CYFIP1: variants seen among roughly 807,000 people sequenced by gnomAD.
CYFIP1 encodes the protein cytoplasmic FMR1-interacting protein 1.
In CYFIP1, 58 loss-of-function variants were observed where a neutral mutation model predicts 163.5. The ratio of observed to expected loss-of-function variants is 0.35; its 90% CI spans 0.29 to 0.44. The LOEUF is 0.44. Among genes scored for constraint, CYFIP1 ranks in the 20% least tolerant of loss-of-function variants. CYFIP1 has a pLI of 1.00. For missense variants in CYFIP1, 1,338 were observed against 1,653.8 expected (o/e 0.81, Z 3.31); for synonymous variants, 663 against 660.7 (o/e 1.00, Z -0.05).
chr15:22,906,973 C>T (rs1285000308), intron 21 of CYFIP1, among the ~76,000 whole-genome samples: 1 of 152,250 alleles, frequency 6.6e-6, no homozygotes. Flanking sequence ...TAAGCTCTCT[C>T]ATGCTTCTGA....
intron 17 of CYFIP1, 180 bp from the exon 18 acceptor site, chr15:22,912,455 C>T (rs2060820584): frequency 1.9e-6 from 1 of 515,282 alleles, no homozygotes; most frequent in Admixed American, 3.8e-5. Context: ...GAGGCGGCCG[C>T]CACACCCACC....
At chr15:22,939,734 G>A (rs961532439) in intron 6 of CYFIP1, among the ~76,000 whole-genome samples, 1 of 152,096 alleles carries the variant, frequency 6.6e-6, no homozygotes, top group African/African-American at 2.4e-5. Context: ...TGCACAGGCT[G>A]GGACAGCTCT....
intron 9 of CYFIP1, among the ~76,000 whole-genome samples, chr15:22,935,470 G>C (rs562937214): frequency 6.6e-6 from 1 of 152,312 alleles, no homozygotes; most frequent in South Asian, 2.1e-4. Flanking sequence ...AATGCTTCTA[G>C]AAGCTAACAC....
In CYFIP1 at chr15:22,881,882, T is replaced by A; in HGVS notation, c.2875A>T (p.Ile959Phe). ...VKTLMEVMPK[I>F]CRLPRHEYGS... ...TACTCGTGCCGGGGCAGGCGGCAGA[T>A]CTTGGGCATCACCTCCATCAGCGTC... is the stretch of plus-strand genomic sequence containing the variant. Residue 959 changes from isoleucine to phenylalanine, a missense_variant, in exon 25 of 31, where the codon ATC (isoleucine) becomes TTC (phenylalanine). Physicochemically the swap from Ile to Phe is conservative, Grantham distance 21. Around this residue, in one of 4 missense-constraint regions of CYFIP1, gnomAD observed 824 missense variants for 995.7 expected, o/e 0.83. Coordinates refer to ENST00000617928, the MANE Select transcript of CYFIP1 (RefSeq NM_014608.6). The A allele has an allele frequency of 6.2e-7, 1 of 1,612,426 alleles. No homozygotes were observed. Among genetic ancestry groups the A allele is most frequent in the Non-Finnish European group, 8.5e-7 (1 of 1,180,008 alleles).
chr15:22,880,958 T>G, intron 25 of CYFIP1, among the ~76,000 whole-genome samples: 1 of 152,284 alleles, frequency 6.6e-6, no homozygotes, highest in South Asian at 2.1e-4. Context: ...AGTCACGACA[T>G]AAGCATTGGT....
At chr15:22,980,798 G>T (rs1293255446), upstream of CYFIP1, among the ~76,000 whole-genome samples, 5 of 152,040 alleles carry the variant, frequency 3.3e-5, no homozygotes, top group African/African-American at 9.7e-5. Flanking sequence ...GCGCTCACCT[G>T]CGCTCGTCGG....
At chr15:22,933,126 G>GC (rs1210338320) in intron 10 of CYFIP1, among the ~76,000 whole-genome samples, 2 of 151,680 alleles carry the variant, frequency 1.3e-5, no homozygotes, top group African/African-American at 4.8e-5. Context: ...GAGCCACCGC[G>GC]CCCCACCCTC....
intron 17 of CYFIP1, among the ~76,000 whole-genome samples, chr15:22,913,527 C>CAAAAAAAAA (rs35228444): frequency 6.8e-4 from 7 of 10,264 alleles, no homozygotes; most frequent in Non-Finnish European, 8.5e-4. Flanking sequence ...GGCTCTGTCT[C>CAAAAAAAAA]AAAAAAAAAA....
intron 11 of CYFIP1, 35 bp downstream of exon 11, chr15:22,932,188 C>T (rs376043658): frequency 2.5e-5 from 38 of 1,512,792 alleles, no homozygotes; most frequent in African/African-American, 2.4e-4. Flanking sequence ...AGGCGACCCT[C>T]GGGTGCCTGT....
rs748462673 is a variant in CYFIP1 at position 22,914,841 on chromosome 15, G to A, written c.1870C>T (p.Arg624Ter). Residue 624 changes from arginine to a stop codon, truncating the protein, a stop_gained, in exon 17 of 31, where the codon CGA becomes TGA. Coordinates refer to ENST00000617928, the MANE Select transcript of CYFIP1 (RefSeq NM_014608.6). LOFTEE classifies it high-confidence loss of function. ...QCCDLSQLWF[R>*]EFFLELTMGR... ...ATGGTCAGCTCCAGGAAGAACTCTC[G>A]GAACCACAGCTGCGAAAGGTCACAG... The A allele has an allele frequency of 3.1e-6, 5 of 1,613,230 alleles. No homozygotes were observed. The highest frequency in any genetic ancestry group is 1.3e-5 in the African/African-American group (1 of 74,770).
intron 21 of CYFIP1, among the ~76,000 whole-genome samples, chr15:22,908,415 T>C (rs953712447): frequency 6.6e-6 from 1 of 151,534 alleles, no homozygotes; most frequent in Non-Finnish European, 1.5e-5. Context: ...GATTAGACCT[T>C]ACCTGGAGAT....
intron 11 of CYFIP1, among the ~76,000 whole-genome samples, chr15:22,931,180 T>C (rs2061524876): frequency 6.6e-6 from 1 of 152,074 alleles, no homozygotes. Context: ...AGGTTAATGG[T>C]CCTCCTGAGA....
At chr15:22,944,758 A>G (rs2062001942) in intron 4 of CYFIP1, 99 bp from the exon 5 acceptor site, 1 of 1,515,048 alleles carries the variant, frequency 6.6e-7, no homozygotes, top group African/African-American at 1.4e-5. Flanking sequence ...CTGTGGGGTG[A>G]GAACTGGGAG....
intron 1 of CYFIP1, among the ~76,000 whole-genome samples, chr15:22,964,300 ACACACACACACAC>A (rs2062811913): frequency 8.6e-6 from 1 of 116,286 alleles, no homozygotes; most frequent in African/African-American, 3.3e-5. Flanking sequence ...ACACACACAC[ACACACACACACAC>A]AACTGGCGGC....
chr15:22,950,128 T>C (rs1212280227), intron 1 of CYFIP1, among the ~76,000 whole-genome samples: 6 of 152,224 alleles, frequency 3.9e-5, no homozygotes, highest in Middle Eastern at 3.4e-3. Flanking sequence ...GATAATAAAA[T>C]GGTAGACCTG....
intron 22 of CYFIP1, among the ~76,000 whole-genome samples, chr15:22,897,476 TTG>T (rs1491330480): frequency 1.4e-5 from 2 of 145,368 alleles, no homozygotes; most frequent in African/African-American, 2.5e-5. Context: ...TTCAACAGGG[TTG>T]TTTTTTTTTT....
At chr15:22,883,674 G>A (rs999418477) in intron 23 of CYFIP1, among the ~76,000 whole-genome samples, 23 of 151,988 alleles carry the variant, frequency 1.5e-4, no homozygotes, top group East Asian at 7.7e-4. Context: ...AAAATTAGCC[G>A]GGCGTGGTGG....
intron 30 of CYFIP1, among the ~76,000 whole-genome samples, chr15:22,871,992 C>T (rs1335843781): frequency 6.6e-6 from 1 of 152,074 alleles, no homozygotes; most frequent in Non-Finnish European, 1.5e-5. Context: ...GTCATGGAAG[C>T]AATAGAAAAC....
chr15:22,938,912 GA>G (rs2061802435), intron 8 of CYFIP1, among the ~76,000 whole-genome samples: 1 of 82,758 alleles, frequency 1.2e-5, no homozygotes, highest in Non-Finnish European at 2.3e-5. Flanking sequence ...AGAATAAAAC[GA>G]AAAGCAGCTT....
Sources: allele counts gnomAD v4.1 joint callset (sites outside exome capture counted in the v4.1 genomes callset), GRCh38; gene constraint gnomAD v4.1.1; regional missense constraint gnomAD v4.1.1; transcripts MANE v1.5; gene names NCBI Gene and HGNC (gene_info 2026-07-23, HGNC 2026-07-21).